The following IL1RAPL1 variants were observed in gnomAD, a reference collection of about 807,000 sequenced individuals.
IL1RAPL1 encodes the protein interleukin-1 receptor accessory protein-like 1.
IL1RAPL1 carries 3 observed loss-of-function variants against 48.4 expected under a neutral mutation model. That is an observed-to-expected ratio of 0.06 (90% CI 0.03 to 0.16). The LOEUF (loss-of-function observed/expected upper bound fraction) is 0.16. Among genes scored for constraint, IL1RAPL1 ranks in the 10% least tolerant of loss-of-function variants. IL1RAPL1 has a pLI of 1.00. For missense variants in IL1RAPL1, 349 were observed against 530.6 expected (o/e 0.66, Z 3.36); for synonymous variants, 185 against 187.7 (o/e 0.99, Z 0.12).
At chrX:29,569,271 A>C (rs148599951) in intron 5 of IL1RAPL1, among the ~76,000 whole-genome samples, 1,220 of 110,851 alleles carry the variant, frequency 0.011, 17 homozygotes, top group African/African-American at 0.038. Context: ...TGATTGAAAA[A>C]AATGTAACTA....
At chrX:29,566,932 G>A (rs926720489) in intron 5 of IL1RAPL1, among the ~76,000 whole-genome samples, 2 of 111,579 alleles carry the variant, frequency 1.8e-5, no homozygotes, top group Non-Finnish European at 3.8e-5. Context: ...GGATACAGAG[G>A]CAAAGAGATC....
intron 3 of IL1RAPL1, among the ~76,000 whole-genome samples, chrX:29,295,379 TAAAG>T (rs1448989020): frequency 3.6e-5 from 4 of 111,886 alleles, no homozygotes; most frequent in Non-Finnish European, 7.5e-5. Flanking sequence ...TTTGAATAAA[TAAAG>T]GAAGGAGTTT....
chrX:29,508,795 G>A (rs1253776952), intron 5 of IL1RAPL1, among the ~76,000 whole-genome samples: 2 of 111,759 alleles, frequency 1.8e-5, no homozygotes, highest in Non-Finnish European at 3.8e-5. Context: ...TAACTCCTTG[G>A]CAGTGTCCTA....
intron 5 of IL1RAPL1, among the ~76,000 whole-genome samples, chrX:29,418,186 A>G (rs190076298): frequency 0.1 from 8,869 of 86,642 alleles, 500 homozygotes; most frequent in Middle Eastern, 0.16. Context: ...GTGCAGTGGC[A>G]TGATCTCGGC....
intron 6 of IL1RAPL1, among the ~76,000 whole-genome samples, chrX:29,861,822 C>T (rs1401806603): frequency 9.0e-6 from 1 of 111,082 alleles, no homozygotes; most frequent in African/African-American, 3.3e-5. Context: ...CTGTTAAATC[C>T]GTGATGTGAT....
chrX:28,816,657 G>A (rs990149292), intron 2 of IL1RAPL1, among the ~76,000 whole-genome samples: 17 of 111,107 alleles, frequency 1.5e-4, no homozygotes, highest in African/African-American at 5.5e-4. Flanking sequence ...GGGCACCTAG[G>A]TTGTTTCCAT....
At chrX:28,604,530 C>T (rs1406123817) in intron 1 of IL1RAPL1, among the ~76,000 whole-genome samples, 1 of 109,620 alleles carries the variant, frequency 9.1e-6, no homozygotes, top group African/African-American at 3.3e-5. Flanking sequence ...AGATCGAGAC[C>T]ATCCTGGCCA....
chrX:29,303,876 A>G (rs1393304169), intron 3 of IL1RAPL1, among the ~76,000 whole-genome samples: 1 of 112,172 alleles, frequency 8.9e-6, no homozygotes, highest in Admixed American at 9.5e-5. Context: ...TTCTCTATCA[A>G]AAAAGCTGCC....
chrX:29,562,036 C>CTATCTATCTATCTATT (rs1922218031), intron 5 of IL1RAPL1, among the ~76,000 whole-genome samples: 2 of 19,946 alleles, frequency 1.0e-4, no homozygotes, highest in African/African-American at 2.1e-4. Flanking sequence ...TTTTTCAATT[C>CTATCTATCTATCTATT]TATCTATCTA....
chrX:29,846,754 A>C (rs1220939706), intron 6 of IL1RAPL1, among the ~76,000 whole-genome samples: 3 of 93,381 alleles, frequency 3.2e-5, no homozygotes, highest in African/African-American at 8.2e-5. Context: ...ACCACAGTCT[A>C]TATATATATA....
chrX:29,492,193 G>A (rs1046519398), intron 5 of IL1RAPL1, among the ~76,000 whole-genome samples: 3 of 112,312 alleles, frequency 2.7e-5, no homozygotes, highest in Non-Finnish European at 5.6e-5. Context: ...ATTCACAACC[G>A]TAAGTGAAGT....
chrX:28,983,077 T>C (rs1323714036), intron 2 of IL1RAPL1: 1 of 112,385 alleles, frequency 8.9e-6, no homozygotes, highest in African/African-American at 3.2e-5. Context: ...ATTAAATAAC[T>C]TCTCCAAATA....
At chrX:29,471,438 G>T (rs1409019360) in intron 5 of IL1RAPL1, among the ~76,000 whole-genome samples, 4 of 111,319 alleles carry the variant, frequency 3.6e-5, no homozygotes, top group African/African-American at 9.8e-5. Flanking sequence ...GTATATATAG[G>T]AAGGGTATGT....
intron 1 of IL1RAPL1, among the ~76,000 whole-genome samples, chrX:28,665,301 G>A (rs1398330390): frequency 9.0e-6 from 1 of 110,792 alleles, no homozygotes; most frequent in Non-Finnish European, 1.9e-5. Context: ...AAATAGGGTT[G>A]GCAGATAAGT....
At chrX:29,664,637 C>T (rs1179889963) in intron 5 of IL1RAPL1, among the ~76,000 whole-genome samples, 1 of 111,380 alleles carries the variant, frequency 9.0e-6, no homozygotes. Flanking sequence ...TTTCTCTCCA[C>T]GTTAAGAACT....
intron 5 of IL1RAPL1, among the ~76,000 whole-genome samples, chrX:29,446,527 T>G (rs1287508921): frequency 9.0e-6 from 1 of 111,643 alleles, no homozygotes; most frequent in Non-Finnish European, 1.9e-5. Context: ...GGTTCTGCTA[T>G]TTCCTAAGGC....
intron 5 of IL1RAPL1, among the ~76,000 whole-genome samples, chrX:29,577,574 A>G (rs1204398613): frequency 3.6e-5 from 4 of 112,147 alleles, no homozygotes; most frequent in Non-Finnish European, 3.8e-5. Flanking sequence ...GAAGAGATGC[A>G]GCTGTATGAT....
intron 5 of IL1RAPL1, among the ~76,000 whole-genome samples, chrX:29,513,609 T>C (rs1269725822): frequency 8.9e-6 from 1 of 112,148 alleles, no homozygotes; most frequent in African/African-American, 3.2e-5. Flanking sequence ...CTATTTAAAA[T>C]TGTAGAATCA....
At chrX:29,029,502 T>A (rs1479799356) in intron 2 of IL1RAPL1, among the ~76,000 whole-genome samples, 1 of 111,779 alleles carries the variant, frequency 8.9e-6, no homozygotes, top group Non-Finnish European at 1.9e-5. Flanking sequence ...CTATAATCTC[T>A]CAACTGATTT....
Sources: allele counts gnomAD v4.1 joint callset (sites outside exome capture counted in the v4.1 genomes callset), GRCh38; gene constraint gnomAD v4.1.1; transcripts MANE v1.5; gene names NCBI Gene and HGNC (gene_info 2026-07-23, HGNC 2026-07-21).